Variants in WDR72 observed in about 807,000 individuals in gnomAD.
The protein encoded by WDR72 is WD repeat domain 72.
A neutral mutation model predicts 124.2 loss-of-function variants in WDR72; 120 were observed. The ratio of observed to expected loss-of-function variants is 0.97; its 90% CI spans 0.83 to 1.12. The LOEUF (loss-of-function observed/expected upper bound fraction) is 1.12. Among genes scored for constraint, WDR72 ranks in the 50% most tolerant of loss-of-function variants. The pLI is 0.00. For missense variants in WDR72, 1,387 were observed against 1,278.8 expected, an observed-to-expected ratio of 1.08 and a Z score of -1.29; for synonymous variants, 452 against 441.7, an observed-to-expected ratio of 1.02 and a Z score of -0.29.
chr15:53,733,047 C>T lies in WDR72; in HGVS notation c.103G>A (p.Gly35Arg), dbSNP rs963671746. 6.2e-7 allele frequency: 1 copy of T among 1,614,066 alleles called. No individual in the cohort carries two copies. Among genetic ancestry groups the T allele is most frequent in the Non-Finnish European group, 8.5e-7 (1 of 1,179,988 alleles). ...ITDDQRTIVT[G>R]SQEGQLCLWN... ...AGACAGAGCTGACCCTCTTGACTTC[C>T]AGTCACAATCGTTCGCTGGTCATCA... The change falls in exon 2 of 20, where the codon GGA (glycine) becomes AGA (arginine). Residue 35 changes from glycine to arginine, a missense_variant. Transcript: ENST00000360509.
In WDR72 at chr15:53,615,554, A is replaced by C; in HGVS notation, c.2652T>G (p.Ile884Met). The C allele has an allele frequency of 6.2e-7, 1 of 1,613,118 alleles. No individual in the cohort carries two copies. Among genetic ancestry groups the C allele is most frequent in the African/African-American group, 1.3e-5 (1 of 74,994 alleles). Residue 884 changes from isoleucine (I) to methionine (M), a missense_variant, in exon 15 of 20, where the codon ATT becomes ATG. Transcript: ENST00000360509. ...CACAATTATTTTCCAATCCTCTTGG[A>C]ATTCCAACCTGATTTGGAAGAGTGG... ...YTATLPNQVG[I>M]PRGLENNCDS...
At position 53,639,536 on chromosome 15, in the gene WDR72, A is replaced by ATATATAATTTTATTTATTTATAAAATTT. The variant is rs1566998273; in HGVS notation, c.1963-23294_1963-23293insAAATTTTATAAATAAATAAAATTATATA. On this transcript the variant is annotated intron_variant, in intron 14 of 19. Transcript: ENST00000360509. The stretch of plus-strand genomic sequence containing the variant: ...TATAATTTTATTTATTTATAAAATT[A>ATATATAATTTTATTTATTTATAAAATTT]TATATAATTTTATTTATTTATAAAA... Among the ~76,000 whole-genome samples, 19 of 146,596 alleles carry ATATATAATTTTATTTATTTATAAAATTT rather than the reference A, an allele frequency of 1.3e-4. 2 individuals are homozygous for ATATATAATTTTATTTATTTATAAAATTT. The highest frequency in any genetic ancestry group is 3.2e-4 in the African/African-American group (13 of 40,680).
intron 3 of WDR72, 105 bp from the exon 4 acceptor site, chr15:53,716,790 G>A: frequency 2.0e-6 from 1 of 507,114 alleles, no homozygotes; most frequent in South Asian, 2.7e-5. Flanking sequence ...CATTTATGTG[G>A]CTTTTTGTTA....
At chr15:53,691,224 A>C (rs1382616594) in intron 13 of WDR72, among the ~76,000 whole-genome samples, 3 of 151,870 alleles carry the variant, frequency 2.0e-5, no homozygotes, top group Non-Finnish European at 4.4e-5. Flanking sequence ...TAATTTTTTA[A>C]ATTTTTTATA....
In WDR72 at chr15:53,647,704, T is replaced by A. The variant is rs527329402; in HGVS notation, c.1962+17868A>T. Among the ~76,000 whole-genome samples the A allele has an allele frequency of 3.3e-5, 5 of 152,194 alleles. 1 individual carries two copies. Among genetic ancestry groups the A allele is most frequent in the African/African-American group, 1.2e-4 (5 of 41,550 alleles). On this transcript the variant is annotated intron_variant, in intron 14 of 19. Transcript: ENST00000360509. ...CCCCTTCTGACCCCAGGTTGGTACATTGAGTGAATAAGAAATAATAAACTT... is the reference window on the plus strand; with the variant it reads ...CCCCTTCTGACCCCAGGTTGGTACAATGAGTGAATAAGAAATAATAAACTT...
chr15:53,563,374 C>G (rs1042129134), intron 18 of WDR72, among the ~76,000 whole-genome samples: 2 of 151,734 alleles, frequency 1.3e-5, no homozygotes, highest in Non-Finnish European at 2.9e-5. Context: ...TCACTTACGA[C>G]TTCAGTGACA....
intron 14 of WDR72, among the ~76,000 whole-genome samples, chr15:53,617,703 T>C (rs954073636): frequency 6.6e-6 from 1 of 151,806 alleles, no homozygotes; most frequent in Non-Finnish European, 1.5e-5. Context: ...TTACTACAAG[T>C]AGTAACCAGA....
chr15:53,642,129 C>T (rs1026911143), intron 14 of WDR72, among the ~76,000 whole-genome samples: 2 of 152,008 alleles, frequency 1.3e-5, no homozygotes, highest in African/African-American at 4.8e-5. Context: ...ATGTGAGTAA[C>T]CACCCTTCTT....
intron 18 of WDR72, among the ~76,000 whole-genome samples, chr15:53,575,594 A>G (rs1894723730): frequency 6.6e-6 from 1 of 152,080 alleles, no homozygotes. Flanking sequence ...CATACAGGTC[A>G]TATATTGTAG....
At chr15:53,689,185 C>T (rs1293504850) in intron 13 of WDR72, among the ~76,000 whole-genome samples, 1 of 152,068 alleles carries the variant, frequency 6.6e-6, no homozygotes, top group Non-Finnish European at 1.5e-5. Flanking sequence ...ACACCAAAAG[C>T]AATGCCAACA....
At chr15:53,518,433 G>GTA (rs1328819739) in intron 19 of WDR72, among the ~76,000 whole-genome samples, 7 of 151,956 alleles carry the variant, frequency 4.6e-5, no homozygotes, top group Non-Finnish European at 8.8e-5. Flanking sequence ...GTGTGTGTGT[G>GTA]TATTAATGTA....
At chr15:53,700,964 T>G (rs2017155593) in intron 12 of WDR72, among the ~76,000 whole-genome samples, 1 of 152,166 alleles carries the variant, frequency 6.6e-6, no homozygotes. Context: ...ACAAATCTTA[T>G]GGTCAGGAAT....
intron 1 of WDR72, among the ~76,000 whole-genome samples, chr15:53,735,148 G>T (rs1050696245): frequency 6.6e-6 from 1 of 152,050 alleles, no homozygotes; most frequent in Non-Finnish European, 1.5e-5. Flanking sequence ...ACAAAAATTA[G>T]CCAGGCATGG....
intron 19 of WDR72, among the ~76,000 whole-genome samples, chr15:53,519,691 C>G (rs1383548278): frequency 6.6e-6 from 1 of 152,038 alleles, no homozygotes; most frequent in Non-Finnish European, 1.5e-5. Context: ...CTTTGCCTAC[C>G]TTAATGGACT....
At position 53,715,247 on chromosome 15, in the gene WDR72, G is replaced by C; in HGVS notation, c.460C>G (p.Gln154Glu). The part of the protein sequence containing the change: ...LAVVHSFRSS[Q>E]FPDWINCMCI... ...ATGCAGTTGATCCAGTCAGGAAACT[G>C]AGATGATCTAAAACTGTGAACAACA... The change falls in exon 5 of 20, where the codon CAG becomes GAG. Residue 154 changes from glutamine to glutamate, a missense_variant. By Grantham distance (29) the Gln-to-Glu change is conservative (BLOSUM62 2). Transcript: ENST00000360509. 1 of 1,614,122 alleles carries C rather than the reference G, an allele frequency of 6.2e-7. No homozygotes were observed. The highest frequency in any genetic ancestry group is 8.5e-7 in the Non-Finnish European group (1 of 1,180,010).
rs201797944 is a variant in WDR72 at position 53,722,814 on chromosome 15, G to A, written c.248C>T (p.Ala83Val). Residue 83 changes from alanine to valine, a missense_variant, in exon 3 of 20, where the codon GCT becomes GTT. By Grantham distance (64) the Ala-to-Val change is moderately conservative (BLOSUM62 0). Transcript: ENST00000360509. ...DFSKQPYIVS[A>V]AENGEMCVWN... ...ATACCATACCTACCCATTTTCAGCA[G>A]CACTAACAATGTAGGGCTGTTTAGA... is the stretch of plus-strand genomic sequence containing the variant. 13 of 1,614,020 alleles carry A rather than the reference G, an allele frequency of 8.1e-6. No homozygotes were observed. In the African/African-American group the frequency reaches 1.7e-4, roughly 22 times the overall value.
chr15:53,519,405 C>G (rs975945018), intron 19 of WDR72, among the ~76,000 whole-genome samples: 1 of 152,036 alleles, frequency 6.6e-6, no homozygotes, highest in East Asian at 1.9e-4. Context: ...AAAGAGGGAG[C>G]TGAAAGTTCA....
rs1357689898 is a variant in WDR72 at position 53,615,586 on chromosome 15, A to G, written c.2620T>C (p.Tyr874His). Reference sequence around the variant, plus strand: ...ACCTGATTTGGAAGAGTGGCTGTGTATTTATCTGACAAGTCCAAAACTTTC... The same window carrying G: ...ACCTGATTTGGAAGAGTGGCTGTGTGTTTATCTGACAAGTCCAAAACTTTC... ...SRKVLDLSDKYTATLPNQVGI... is the reference protein window; with the variant it reads ...SRKVLDLSDKHTATLPNQVGI... The change falls in exon 15 of 20, where the codon TAC becomes CAC. Residue 874 changes from tyrosine (Y) to histidine (H), a missense_variant. Coordinates refer to ENST00000360509, the MANE Select transcript of WDR72 (RefSeq NM_182758.4). The G allele has an allele frequency of 6.2e-7, 1 of 1,613,034 alleles. No homozygotes were observed. Among genetic ancestry groups the G allele is most frequent in the South Asian group, 1.1e-5 (1 of 91,022 alleles).
At chr15:53,551,934 AG>A (rs1893745071) in intron 18 of WDR72, among the ~76,000 whole-genome samples, 1 of 152,108 alleles carries the variant, frequency 6.6e-6, no homozygotes, top group South Asian at 2.1e-4. Flanking sequence ...CCTGTCTGGC[AG>A]TTGGTCTCTA....
Sources: allele counts gnomAD v4.1 joint callset (sites outside exome capture counted in the v4.1 genomes callset), GRCh38; gene constraint gnomAD v4.1.1; transcripts MANE v1.5; gene names NCBI Gene and HGNC (gene_info 2026-07-23, HGNC 2026-07-21).